Variants in RCC2 observed in about 807,000 individuals in gnomAD.
RCC2 encodes the protein regulator of chromosome condensation 2.
Under a neutral mutation model 64.1 loss-of-function variants are expected in RCC2, and 19 were observed. The ratio of observed to expected loss-of-function variants is 0.30; its 90% CI spans 0.21 to 0.44. The LOEUF (loss-of-function observed/expected upper bound fraction) is 0.44, where lower values mean the gene tolerates loss of function less well. Among genes scored for constraint, RCC2 ranks in the 20% least tolerant of loss-of-function variants. The pLI is 1.00. For missense variants in RCC2, 508 were observed against 710.4 expected, an observed-to-expected ratio of 0.72 and a Z score of 3.24; for synonymous variants, 325 against 279.6, an observed-to-expected ratio of 1.16 and a Z score of -1.62.
intron 7 of RCC2, among the ~76,000 whole-genome samples, chr1:17,417,807 G>C (rs1224053525): frequency 6.6e-6 from 1 of 151,976 alleles, no homozygotes; most frequent in African/African-American, 2.4e-5. Context: ...GTGTGTTTTT[G>C]AGCACTGTGC....
rs769308682 is a variant in RCC2, at chr1:17,422,223, C to T, written c.724G>A (p.Ala242Thr). The change falls in exon 6 of 13, where the codon GCT becomes ACT. Residue 242 changes from alanine (A) to threonine (T), a missense_variant. Coordinates refer to ENST00000375436, the MANE Select transcript of RCC2 (RefSeq NM_018715.4). Reference sequence around the variant, plus strand: ...GTCACCTGCGCGGGGCTGGGAACAGCGTCTGTCTGGTTGCCAAGGCCCAGC... The same window carrying T: ...GTCACCTGCGCGGGGCTGGGAACAGTGTCTGTCTGGTTGCCAAGGCCCAGC... ...GQLGLGNQTD[A>T]VPSPAQIMYN... 7.4e-6 allele frequency: 12 copies of T among 1,612,214 alleles called. No individual in the cohort carries two copies. Among genetic ancestry groups the T allele is most frequent in the South Asian group, 5.5e-5 (5 of 91,000 alleles).
chr1:17,420,938 T>C (rs914951387), intron 6 of RCC2, 110 bp from the exon 7 acceptor site: 6 of 693,654 alleles, frequency 8.6e-6, no homozygotes, highest in Non-Finnish European at 1.5e-5. Context: ...GGAAGTTTAA[T>C]AAACTCAGTA....
chr1:17,436,246 A>G (rs2075734253), intron 2 of RCC2, among the ~76,000 whole-genome samples: 1 of 152,236 alleles, frequency 6.6e-6, no homozygotes, highest in Non-Finnish European at 1.5e-5. Flanking sequence ...CGCGCCTGTC[A>G]TCCCAGCACT....
chr1:17,432,470 C>G (rs2075692067), intron 2 of RCC2, among the ~76,000 whole-genome samples: 1 of 152,094 alleles, frequency 6.6e-6, no homozygotes, highest in South Asian at 2.1e-4. Flanking sequence ...TAGAAAAGAG[C>G]CCTGGAATGC....
At chr1:17,427,674 C>A (rs1172753772) in intron 3 of RCC2, among the ~76,000 whole-genome samples, 1 of 152,126 alleles carries the variant, frequency 6.6e-6, no homozygotes. Flanking sequence ...CTTGAACTTG[C>A]TTGGCCAAGG....
At chr1:17,415,794 C>T (rs963847373) in intron 8 of RCC2, among the ~76,000 whole-genome samples, 3 of 151,318 alleles carry the variant, frequency 2.0e-5, no homozygotes, top group Non-Finnish European at 2.9e-5. Flanking sequence ...CTAGGCCAGG[C>T]GTGGTGGCTC....
chr1:17,408,812 G>T lies in RCC2; in HGVS notation c.*278C>A. The T allele has an allele frequency of 1.1e-5, 4 of 363,908 alleles. No homozygotes were observed. The highest frequency in any genetic ancestry group is 4.6e-5 in the East Asian group (1 of 21,578). The allele number at this position is 363,908 out of a possible 1,614,324, so 22.5% of individuals were successfully genotyped here. A position where few individuals can be genotyped will look rare whatever the true frequency, so the allele number is the denominator to read the frequency against. On this transcript the variant is annotated 3_prime_UTR_variant, in exon 13 of 13. Transcript: ENST00000375436. ...CTTAAAAAAAAAAAAAACCTAGATTGCTCAAAGTTTCTGCCTCTTTTGTAG... is the reference window on the plus strand; with the variant it reads ...CTTAAAAAAAAAAAAAACCTAGATTTCTCAAAGTTTCTGCCTCTTTTGTAG...
In RCC2 at chr1:17,408,583, C is replaced by T; in HGVS notation, c.*507G>A. The stretch of plus-strand genomic sequence containing the variant: ...CAAGAAAAAGCGGAGAAGGAGTGAC[C>T]CGGATGCTTCCGAAGCACGCGAGCG... On this transcript the variant is annotated 3_prime_UTR_variant, in exon 13 of 13. Coordinates refer to ENST00000375436, the MANE Select transcript of RCC2 (RefSeq NM_018715.4). 6.3e-6 allele frequency: 1 copy of T among 157,626 alleles called. No homozygotes were observed. The highest frequency in any genetic ancestry group is 1.4e-5 in the Non-Finnish European group (1 of 71,684). 9.8% of individuals were successfully genotyped at this position (157,626 alleles called of 1,614,324 possible).
In RCC2 at chr1:17,438,253, G is replaced by T; in HGVS notation, c.262C>A (p.Pro88Thr). The part of the protein sequence containing the change: ...AGGAAVVITE[P>T]EHTKERVKLE... ...ACGACGCGCTCCTTGGTGTGCTCGG[G>T]TTCGGTGATGACCACGGCCGCGCCG... The change falls in exon 2 of 13, where the codon CCC becomes ACC. Residue 88 changes from proline to threonine, a missense_variant. Around this residue, in one of 4 missense-constraint regions of RCC2, gnomAD observed 195 missense variants for 158.3 expected, o/e 1.23. Transcript: ENST00000375436. 7.5e-7 allele frequency: 1 copy of T among 1,334,152 alleles called. No individual in the cohort carries two copies. The highest frequency in any genetic ancestry group is 1.6e-5 in the African/African-American group (1 of 64,478). 82.6% of individuals were successfully genotyped at this position (1,334,152 alleles called of 1,614,324 possible).
chr1:17,438,994 C>T (rs571836963), intron 1 of RCC2, among the ~76,000 whole-genome samples: 3 of 151,962 alleles, frequency 2.0e-5, no homozygotes, highest in African/African-American at 7.2e-5. Flanking sequence ...GCAGTCTCCC[C>T]CCAAACCCAC....
In RCC2 at chr1:17,438,474, G is replaced by C. The variant is rs755098190; in HGVS notation, c.41C>G (p.Pro14Arg). ...KKAAAAAWEE[P>R]SSGNGTARAG... Reference sequence around the variant, plus strand: ...GCGGGCAGTGCCGTTGCCCGAGCTCGGCTCCTCCCAGGCCGCCGCCGCCGC... The same window carrying C: ...GCGGGCAGTGCCGTTGCCCGAGCTCCGCTCCTCCCAGGCCGCCGCCGCCGC... The change falls in exon 2 of 13, where the codon CCG becomes CGG. Residue 14 changes from proline (P) to arginine (R), a missense_variant. Transcript: ENST00000375436. 219 of 1,340,560 alleles carry C rather than the reference G, an allele frequency of 1.6e-4. No homozygotes were observed. The highest frequency in any genetic ancestry group is 2.0e-4 in the Non-Finnish European group (210 of 1,050,336). The allele number at this position is 1,340,560 out of a possible 1,614,324, so 83.0% of individuals were successfully genotyped here.
intron 2 of RCC2, among the ~76,000 whole-genome samples, chr1:17,433,004 T>TCACACACACATATATATACACA (rs1052385220): frequency 4.0e-5 from 6 of 151,468 alleles, no homozygotes; most frequent in African/African-American, 1.5e-4. Flanking sequence ...ATATATACAC[T>TCACACACACATATATATACACA]CACACACACA....
chr1:17,415,704 C>T (rs1348020723), intron 8 of RCC2, among the ~76,000 whole-genome samples: 1 of 150,454 alleles, frequency 6.6e-6, no homozygotes, highest in Non-Finnish European at 1.5e-5. Flanking sequence ...AGTGAAACTC[C>T]GCCTCAAATA....
rs2075547239 is a variant in RCC2, at chr1:17,420,767, A to G, written c.806T>C (p.Met269Thr). 1 of 1,612,792 alleles carries G rather than the reference A, an allele frequency of 6.2e-7. No individual in the cohort carries two copies. Among genetic ancestry groups the G allele is most frequent in the South Asian group, 1.1e-5 (1 of 90,698 alleles). Residue 269 changes from methionine to threonine, a missense_variant, in exon 7 of 13, where the codon ATG becomes ACG. Coordinates refer to ENST00000375436, the MANE Select transcript of RCC2 (RefSeq NM_018715.4). ...MACGAEFSMIMDCKGNLYSFG... is the reference protein window; with the variant it reads ...MACGAEFSMITDCKGNLYSFG... ...GGAATAGAGGTTTCCTTTGCAGTCCATTATCATACTGAATTCAGCCCCACA... is the reference window on the plus strand; with the variant it reads ...GGAATAGAGGTTTCCTTTGCAGTCCGTTATCATACTGAATTCAGCCCCACA...
chr1:17,410,143 A>C, intron 11 of RCC2, 92 bp from the exon 12 acceptor site: 1 of 1,146,776 alleles, frequency 8.7e-7, no homozygotes, highest in Non-Finnish European at 1.3e-6. Context: ...GCCCCCACTA[A>C]CCAGAAGCCA....
chr1:17,412,227 G>C lies in RCC2; in HGVS notation c.1314-33C>G, dbSNP rs1261372481. On this transcript the variant is annotated intron_variant, in intron 10 of 12. Coordinates refer to ENST00000375436, the MANE Select transcript of RCC2 (RefSeq NM_018715.4). ...CAGGCAGGCTGTCACTGCAGGGCCA[G>C]CAGCCCCAGACCTGCACCCACGCAG... 3 of 1,610,820 alleles carry C rather than the reference G, an allele frequency of 1.9e-6. No homozygotes were observed. The South Asian group carries it at 3.3e-5, about 18-fold the overall frequency.
chr1:17,426,910 G>A (rs1452116007), intron 3 of RCC2, among the ~76,000 whole-genome samples: 2 of 152,028 alleles, frequency 1.3e-5, no homozygotes, highest in African/African-American at 2.4e-5. Context: ...TTACAGGCGT[G>A]TGCCATCACA....
chr1:17,413,382 C>T (rs202209713), intron 9 of RCC2, among the ~76,000 whole-genome samples, 155 bp downstream of exon 9: 3 of 152,188 alleles, frequency 2.0e-5, no homozygotes, highest in East Asian at 1.9e-4. Flanking sequence ...CCCAGGAGTT[C>T]GACACCGGCC....
chr1:17,410,541 C>T (rs1352685968), intron 11 of RCC2, among the ~76,000 whole-genome samples: 1 of 152,202 alleles, frequency 6.6e-6, no homozygotes, highest in African/African-American at 2.4e-5. Context: ...CACCAGAGAA[C>T]CAGTTTCCCT....
Sources: gnomAD v4.1 joint callset for allele counts (sites outside exome capture counted in the v4.1 genomes callset) on GRCh38, gnomAD v4.1.1 for gene constraint, gnomAD v4.1.1 regional missense constraint, MANE v1.5 for transcripts, NCBI Gene and HGNC (gene_info 2026-07-23, HGNC 2026-07-21) for gene names.